The following SEMA6D variants were observed in gnomAD, a reference collection of about 807,000 sequenced individuals.
SEMA6D encodes semaphorin-6D.
Under a neutral mutation model 106.6 loss-of-function variants are expected in SEMA6D, and 35 were observed. That is an observed-to-expected ratio of 0.33 (90% CI 0.25 to 0.44). SEMA6D has a LOEUF of 0.44. Ranked by LOEUF, SEMA6D falls within the 20% of genes least tolerant of loss-of-function variation. The probability of loss-of-function intolerance (pLI) is 1.00; values close to 1 mark genes in which losing one functional copy is unlikely to be tolerated. For missense variants in SEMA6D, 1,185 were observed against 1,345.9 expected (o/e 0.88, Z 1.87); for synonymous variants, 499 against 487.7 (o/e 1.02, Z -0.31).
At chr15:47,530,254 A>G (rs1008204023) in intron 3 of SEMA6D, among the ~76,000 whole-genome samples, 4 of 152,238 alleles carry the variant, frequency 2.6e-5, no homozygotes, top group African/African-American at 9.6e-5. Flanking sequence ...GGTGGACTTC[A>G]TGTTTTTAAA....
At chr15:47,495,950 G>A (rs528691369) in intron 3 of SEMA6D, among the ~76,000 whole-genome samples, 3 of 152,082 alleles carry the variant, frequency 2.0e-5, no homozygotes, top group African/African-American at 7.2e-5. Flanking sequence ...ATTTAATGAG[G>A]TTGTTAAACT....
chr15:47,726,944 G>A (rs1007847546), intron 1 of SEMA6D, among the ~76,000 whole-genome samples: 1 of 152,138 alleles, frequency 6.6e-6, no homozygotes, highest in Non-Finnish European at 1.5e-5. Context: ...CACACATTCA[G>A]CCAAACTGGA....
At chr15:47,276,455 G>C (rs1485266559) in intron 1 of SEMA6D, among the ~76,000 whole-genome samples, 5 of 152,112 alleles carry the variant, frequency 3.3e-5, no homozygotes, top group Non-Finnish European at 7.4e-5. Context: ...TGAAGCCAAT[G>C]CTCATTTGCC....
chr15:47,741,319 C>T (rs918209924), intron 1 of SEMA6D, among the ~76,000 whole-genome samples: 1 of 152,204 alleles, frequency 6.6e-6, no homozygotes, highest in Non-Finnish European at 1.5e-5. Context: ...AGCATAATGC[C>T]TGGTGCTTTG....
At chr15:47,319,974 A>G (rs958912533) in intron 1 of SEMA6D, among the ~76,000 whole-genome samples, 1 of 152,042 alleles carries the variant, frequency 6.6e-6, no homozygotes, top group African/African-American at 2.4e-5. Flanking sequence ...GTGAGTCTCT[A>G]AGTCACAACT....
chr15:47,421,790 C>T (rs2041167421), intron 2 of SEMA6D, among the ~76,000 whole-genome samples: 1 of 151,892 alleles, frequency 6.6e-6, no homozygotes, highest in East Asian at 1.9e-4. Flanking sequence ...TGATGGGAAC[C>T]TGAGTGTCAG....
chr15:47,613,936 C>G (rs566813973), intron 4 of SEMA6D, among the ~76,000 whole-genome samples: 1 of 152,072 alleles, frequency 6.6e-6, no homozygotes, highest in East Asian at 1.9e-4. Flanking sequence ...CGTGAGCCAC[C>G]GCGCCCAGCC....
At chr15:47,554,117 C>A (rs191817507) in intron 3 of SEMA6D, among the ~76,000 whole-genome samples, 1 of 152,218 alleles carries the variant, frequency 6.6e-6, no homozygotes, top group Non-Finnish European at 1.5e-5. Flanking sequence ...AATGTCACCA[C>A]ACTCTCTGAT....
At chr15:47,354,007 T>C (rs560664207) in intron 1 of SEMA6D, among the ~76,000 whole-genome samples, 1 of 152,100 alleles carries the variant, frequency 6.6e-6, no homozygotes, top group African/African-American at 2.4e-5. Flanking sequence ...TTAGTTCTTT[T>C]CTGTGGAATT....
intron 1 of SEMA6D, among the ~76,000 whole-genome samples, chr15:47,353,682 A>G (rs1006982381): frequency 3.3e-5 from 5 of 152,116 alleles, no homozygotes; most frequent in Non-Finnish European, 5.9e-5. Context: ...GAGCCTGGGG[A>G]ATATATTAAT....
At chr15:47,674,854 GCATCC>G (rs1288298066) in intron 4 of SEMA6D, among the ~76,000 whole-genome samples, 1 of 152,114 alleles carries the variant, frequency 6.6e-6, no homozygotes, top group Non-Finnish European at 1.5e-5. Flanking sequence ...GATTCACTGC[GCATCC>G]GAATCCCTTC....
rs540058518 is a variant in SEMA6D, at chr15:47,444,462, A to AT, written c.-158-26009dup. ...ATCAGGCCCATGATGCCCGGATAAG[A>AT]TTTCAAGGATGAAGGCTGCTTTGCT... On this transcript the variant is annotated intron_variant, in intron 2 of 19. Transcript: ENST00000558014. Among the ~76,000 whole-genome samples, 929 of 145,672 alleles carry AT rather than the reference A, an allele frequency of 6.4e-3. 12 individuals are homozygous for AT. Among genetic ancestry groups the AT allele is most frequent in the African/African-American group, 0.022 (885 of 41,114 alleles).
intron 1 of SEMA6D, among the ~76,000 whole-genome samples, chr15:47,324,276 T>C (rs2037039979): frequency 6.6e-6 from 1 of 152,198 alleles, no homozygotes; most frequent in South Asian, 2.1e-4. Context: ...ATATATTTCT[T>C]TTTTACAACT....
chr15:47,587,205 G>T (rs1284571749), intron 3 of SEMA6D, among the ~76,000 whole-genome samples: 1 of 151,916 alleles, frequency 6.6e-6, no homozygotes, highest in Non-Finnish European at 1.5e-5. Flanking sequence ...GGAGGGCCCT[G>T]CAAGGCCCCC....
chr15:47,359,030 T>G (rs893533083), intron 1 of SEMA6D, among the ~76,000 whole-genome samples: 1 of 151,974 alleles, frequency 6.6e-6, no homozygotes, highest in Non-Finnish European at 1.5e-5. Context: ...GTACTATCTT[T>G]TATGAAGTTG....
At chr15:47,663,716 A>G (rs1288050725) in intron 4 of SEMA6D, among the ~76,000 whole-genome samples, 1 of 152,236 alleles carries the variant, frequency 6.6e-6, no homozygotes, top group Non-Finnish European at 1.5e-5. Flanking sequence ...ATTCGAAAAC[A>G]GAGTTGCTAG....
At chr15:47,567,855 G>A (rs2046272496) in intron 3 of SEMA6D, among the ~76,000 whole-genome samples, 1 of 152,100 alleles carries the variant, frequency 6.6e-6, no homozygotes, top group Non-Finnish European at 1.5e-5. Context: ...GTGAAAGAAT[G>A]AATGAATGAA....
At chr15:47,227,936 CTT>C (rs1491551042) in intron 1 of SEMA6D, among the ~76,000 whole-genome samples, 11 of 138,520 alleles carry the variant, frequency 7.9e-5, no homozygotes, top group Non-Finnish European at 1.1e-4. Flanking sequence ...ATATAAGAAT[CTT>C]ATATATATTT....
Position 47,767,087 on chromosome 15 carries a change from A to G in SEMA6D, c.1759A>G (p.Thr587Ala), listed in dbSNP as rs1378794900. 6 of 1,567,008 alleles carry G rather than the reference A, an allele frequency of 3.8e-6. No homozygotes were observed. Among genetic ancestry groups the G allele is most frequent in the South Asian group, 1.2e-5 (1 of 82,602 alleles). Reference protein sequence around the residue: ...TPDYKIFGGPTSDMEVSSSSV... With the variant: ...TPDYKIFGGPASDMEVSSSSV... ...AGATTACAAAATATTTGGCGGTCCA[A>G]CATCTGGTTAGTTTTTTTTAATTTT... The change falls in exon 17 of 19, where the codon ACA (threonine) becomes GCA (alanine). Residue 587 changes from threonine to alanine, a missense_variant. Thr to Ala is a moderately conservative substitution (Grantham distance 58). This residue lies in a region of SEMA6D where 750 missense variants were observed against 783.5 expected (regional missense o/e 0.96). Transcript: ENST00000536845.
Sources: gnomAD v4.1 joint callset for allele counts (sites outside exome capture counted in the v4.1 genomes callset) on GRCh38, gnomAD v4.1.1 for gene constraint, gnomAD v4.1.1 regional missense constraint, MANE v1.5 for transcripts, NCBI Gene and HGNC (gene_info 2026-07-23, HGNC 2026-07-21) for gene names.